Variants in ENOX1 observed in about 807,000 individuals in gnomAD.
ENOX1 encodes candidate growth-related and time keeping constitutive hydroquinone (NADH) oxidase.
Under a neutral mutation model 82.5 loss-of-function variants are expected in ENOX1, and 42 were observed. That is an observed-to-expected ratio of 0.51 (90% CI 0.40 to 0.66). The LOEUF is 0.66. Among genes scored for constraint, ENOX1 ranks in the 30% least tolerant of loss-of-function variants. The probability of loss-of-function intolerance (pLI) is 0.00; values close to 1 mark genes in which losing one functional copy is unlikely to be tolerated. For synonymous variants in ENOX1, 271 were observed against 282.2 expected (o/e 0.96, Z 0.40); for missense variants, 608 against 811.6 (o/e 0.75, Z 3.05).
intron 2 of ENOX1, among the ~76,000 whole-genome samples, chr13:43,612,422 A>G (rs1016717282): frequency 4.6e-5 from 7 of 152,218 alleles, no homozygotes; most frequent in Non-Finnish European, 1.0e-4. Flanking sequence ...AAGATCAAAA[A>G]GGGAACTGAA....
intron 3 of ENOX1, among the ~76,000 whole-genome samples, chr13:43,457,123 G>T (rs2057270693): frequency 6.6e-6 from 1 of 151,940 alleles, no homozygotes; most frequent in South Asian, 2.1e-4. Context: ...GAGATTTCTG[G>T]AACAGGAAGA....
intron 2 of ENOX1, among the ~76,000 whole-genome samples, chr13:43,585,176 GAGAA>G (rs1429151154): frequency 6.6e-6 from 1 of 152,194 alleles, no homozygotes; most frequent in Non-Finnish European, 1.5e-5. Flanking sequence ...GGCTTAATGT[GAGAA>G]AGACTTGACT....
chr13:43,580,791 C>T (rs1165390609), intron 2 of ENOX1, among the ~76,000 whole-genome samples: 3 of 152,172 alleles, frequency 2.0e-5, no homozygotes, highest in Non-Finnish European at 4.4e-5. Flanking sequence ...ATAGAATTCT[C>T]ATTTTGTACT....
intron 2 of ENOX1, among the ~76,000 whole-genome samples, chr13:43,638,838 T>C (rs910622773): frequency 6.6e-6 from 1 of 152,224 alleles, no homozygotes; most frequent in Non-Finnish European, 1.5e-5. Context: ...AAAACCACTT[T>C]TGATGGATGG....
chr13:43,437,937 A>G (rs2056130061), intron 3 of ENOX1, among the ~76,000 whole-genome samples: 2 of 152,228 alleles, frequency 1.3e-5, no homozygotes, highest in African/African-American at 4.8e-5. Flanking sequence ...GATTTTCTCC[A>G]AGGTTAAATA....
intron 1 of ENOX1, among the ~76,000 whole-genome samples, chr13:43,754,387 T>TGGTGGTG (rs1950534733): frequency 1.3e-5 from 2 of 149,556 alleles, no homozygotes; most frequent in East Asian, 2.0e-4. Context: ...GGCTGGAGTG[T>TGGTGGTG]GGTGGTGTGA....
chr13:43,451,159 A>C (rs527644660), intron 3 of ENOX1, among the ~76,000 whole-genome samples: 1 of 152,332 alleles, frequency 6.6e-6, no homozygotes, highest in South Asian at 2.1e-4. Flanking sequence ...GGAAAGGGGA[A>C]GGACCTTACA....
At chr13:43,502,988 G>GTATGGACTTACACAC (rs2077035008) in intron 2 of ENOX1, among the ~76,000 whole-genome samples, 1 of 151,466 alleles carries the variant, frequency 6.6e-6, no homozygotes, top group Admixed American at 6.6e-5. Context: ...CATACACACA[G>GTATGGACTTACACAC]AAAGTGTTAT....
At chr13:43,692,630 C>G (rs969458788) in intron 1 of ENOX1, among the ~76,000 whole-genome samples, 2 of 152,172 alleles carry the variant, frequency 1.3e-5, no homozygotes, top group Middle Eastern at 3.4e-3. Context: ...AGACAAACCT[C>G]CTATTAGAAA....
chr13:43,305,503 T>G (rs1168888054), intron 11 of ENOX1, among the ~76,000 whole-genome samples: 1 of 152,022 alleles, frequency 6.6e-6, no homozygotes, highest in East Asian at 1.9e-4. Flanking sequence ...AGCTAGATCC[T>G]GTTACGATGA....
At chr13:43,574,203 G>C (rs1261364734) in intron 2 of ENOX1, among the ~76,000 whole-genome samples, 4 of 152,148 alleles carry the variant, frequency 2.6e-5, no homozygotes, top group African/African-American at 9.7e-5. Context: ...TGCTGCATAT[G>C]ACAGACTAAG....
intron 5 of ENOX1, among the ~76,000 whole-genome samples, chr13:43,371,845 G>A (rs2051264474): frequency 6.6e-6 from 1 of 152,086 alleles, no homozygotes; most frequent in Admixed American, 6.5e-5. Context: ...CTGTTTTAAA[G>A]GTAAACACAT....
At chr13:43,226,115 T>C (rs144694682) in intron 15 of ENOX1, among the ~76,000 whole-genome samples, 173 of 152,286 alleles carry the variant, frequency 1.1e-3, no homozygotes, top group African/African-American at 3.8e-3. Context: ...TGACAGCTAC[T>C]TCCCTGTAAC....
intron 9 of ENOX1, among the ~76,000 whole-genome samples, chr13:43,330,050 A>G (rs1333839719): frequency 6.6e-6 from 1 of 152,232 alleles, no homozygotes; most frequent in African/African-American, 2.4e-5. Flanking sequence ...TGATGTAAAT[A>G]CACTATTCAT....
chr13:43,409,761 CA>C (rs2054010881), intron 5 of ENOX1, among the ~76,000 whole-genome samples: 2 of 151,972 alleles, frequency 1.3e-5, no homozygotes, highest in African/African-American at 4.8e-5. Flanking sequence ...GTTAAAAATG[CA>C]TAATAGAAAA....
chr13:43,695,859 C>A (rs1469035954), intron 1 of ENOX1, among the ~76,000 whole-genome samples: 1 of 152,126 alleles, frequency 6.6e-6, no homozygotes, highest in Non-Finnish European at 1.5e-5. Flanking sequence ...AATATATTCA[C>A]AGAGTTCGGC....
chr13:43,385,304 C>T (rs1220405942), intron 5 of ENOX1, among the ~76,000 whole-genome samples: 2 of 151,804 alleles, frequency 1.3e-5, no homozygotes, highest in Non-Finnish European at 2.9e-5. Context: ...TCTATAAAAA[C>T]ACAACAGCCT....
chr13:43,702,194 T>C (rs1450766290), intron 1 of ENOX1, among the ~76,000 whole-genome samples: 1 of 152,252 alleles, frequency 6.6e-6, no homozygotes, highest in Non-Finnish European at 1.5e-5. Context: ...CTCTTTTTAG[T>C]GCTCTGAAAT....
intron 1 of ENOX1, among the ~76,000 whole-genome samples, chr13:43,742,974 T>A (rs763704115): frequency 5.3e-5 from 8 of 152,226 alleles, no homozygotes; most frequent in Non-Finnish European, 1.2e-4. Flanking sequence ...AAACAATTTC[T>A]GTTTCATTGA....
Sources: gnomAD v4.1 joint callset for allele counts (sites outside exome capture counted in the v4.1 genomes callset) on GRCh38, gnomAD v4.1.1 for gene constraint, MANE v1.5 for transcripts, NCBI Gene and HGNC (gene_info 2026-07-23, HGNC 2026-07-21) for gene names.